The following PLG variants were observed in gnomAD, a reference collection of about 807,000 sequenced individuals.
PLG encodes plasminogen, also known as plasmin.
A neutral mutation model predicts 104.4 loss-of-function variants in PLG; 41 were observed. That is an observed-to-expected ratio of 0.39 (90% confidence interval 0.31 to 0.51). PLG has a LOEUF of 0.51. Among genes scored for constraint, PLG ranks in the 20% least tolerant of loss-of-function variants. PLG has a pLI of 0.76. For synonymous variants in PLG, 337 were observed against 357.1 expected, an observed-to-expected ratio of 0.94 and a Z score of 0.63; for missense variants, 891 against 1,003.6, an observed-to-expected ratio of 0.89 and a Z score of 1.52.
chr6:160,741,202 GC>G lies in PLG; in HGVS notation c.2019-108del, dbSNP rs1478068312. Reference sequence around the variant, plus strand: ...CGTTGCTCTGTGTCAGTGAAGCAAGGCAGTGCCAGTTCAGAGGGCTCTGGGG... The same window carrying G: ...CGTTGCTCTGTGTCAGTGAAGCAAGGAGTGCCAGTTCAGAGGGCTCTGGGG... On this transcript the variant is annotated intron_variant, in intron 16 of 18. Transcript: ENST00000308192. The surrounding 1 kb of genome is among the most constrained non-coding windows in gnomAD (Gnocchi z 4.7). 1.3e-6 allele frequency: 1 copy of G among 777,662 alleles called. No homozygotes were observed. Among genetic ancestry groups the G allele is most frequent in the Non-Finnish European group, 2.3e-6 (1 of 428,962 alleles). 48.2% of individuals were successfully genotyped at this position (777,662 alleles called of 1,614,324 possible).
At chr6:160,708,126 A>T in intron 3 of PLG, 2 of 262,078 alleles carry the variant, frequency 7.6e-6, no homozygotes, top group South Asian at 8.7e-5. Context: ...AAGTCTAAGC[A>T]TTCCTTTTGG....
rs4252188 is a variant in PLG at position 160,717,724 on chromosome 6, A to G, written c.788-570A>G. The stretch of plus-strand genomic sequence containing the variant: ...ACGTGTTGATACTTACCAGGTAGGA[A>G]GAACTGAGCAAAGAGAACATAGAAA... On this transcript the variant is annotated intron_variant, in intron 7 of 18. Coordinates refer to ENST00000308192, the MANE Select transcript of PLG (RefSeq NM_000301.5). Among the ~76,000 whole-genome samples the G allele has an allele frequency of 3.8e-3, 585 of 152,316 alleles. 3 individuals are homozygous for G. Among genetic ancestry groups the G allele is most frequent in the Admixed American group, 6.9e-3 (106 of 15,296 alleles).
Position 160,718,788 on chromosome 6 carries a change from T to C in PLG, c.1046T>C (p.Ile349Thr). ...CAAGTGCGGTGGGAGTACTGTAAGA[T>C]ACCGTCCTGTGACTCCTCCCCAGTA... ...NSQVRWEYCK[I>T]PSCDSSPVST... The change falls in exon 9 of 19, where the codon ATA (isoleucine) becomes ACA (threonine). Residue 349 changes from isoleucine (I) to threonine (T), a missense_variant. By Grantham distance (89) the Ile-to-Thr change is moderately conservative (BLOSUM62 -1). This residue lies in a region of PLG where 854 missense variants were observed against 932.1 expected (regional missense o/e 0.92). Transcript: ENST00000308192. 6.2e-7 allele frequency: 1 copy of C among 1,613,824 alleles called. No homozygotes were observed. The highest frequency in any genetic ancestry group is 8.5e-7 in the Non-Finnish European group (1 of 1,179,752).
Position 160,752,611 on chromosome 6 carries a change from A to T in PLG, c.2272-289A>T, listed in dbSNP as rs1316660574. On this transcript the variant is annotated intron_variant, in intron 18 of 18. Transcript: ENST00000308192. The surrounding 1 kb of genome is among the most constrained non-coding windows in gnomAD (Gnocchi z 4.7). ...CAGAGACCAACTGCACACACTTTACACTGATGCCCAGGCTAGCCCAGTCTA... is the reference window on the plus strand; with the variant it reads ...CAGAGACCAACTGCACACACTTTACTCTGATGCCCAGGCTAGCCCAGTCTA... Among the ~76,000 whole-genome samples, 1 of 152,122 alleles carries T rather than the reference A, an allele frequency of 6.6e-6. No homozygotes were observed. Among genetic ancestry groups the T allele is most frequent in the Non-Finnish European group, 1.5e-5 (1 of 68,022 alleles).
intron 2 of PLG, 106 bp from the exon 3 acceptor site, chr6:160,707,594 T>C (rs1777553144): frequency 8.4e-7 from 1 of 1,190,900 alleles, no homozygotes; most frequent in African/African-American, 1.5e-5. Context: ...AGCTCTCTGG[T>C]CCCTCAAGAT....
intron 5 of PLG, among the ~76,000 whole-genome samples, chr6:160,713,908 G>A (rs62439805): frequency 0.33 from 50,466 of 151,912 alleles, 9,408 homozygotes; most frequent in Middle Eastern, 0.51. Flanking sequence ...AACTGTCATC[G>A]TTTCACATTT....
In PLG at chr6:160,734,166, C is replaced by A; in HGVS notation, c.1681+78C>A. 1.3e-6 allele frequency: 1 copy of A among 797,394 alleles called. No individual in the cohort carries two copies. Among genetic ancestry groups the A allele is most frequent in the Non-Finnish European group, 2.2e-6 (1 of 454,344 alleles). 49.4% of individuals were successfully genotyped at this position (797,394 alleles called of 1,614,324 possible). A position where few individuals can be genotyped will look rare whatever the true frequency, so the allele number is the denominator to read the frequency against. On this transcript the variant is annotated intron_variant, in intron 13 of 18. Coordinates refer to ENST00000308192, the MANE Select transcript of PLG (RefSeq NM_000301.5). This position sits in a 1 kb window ranked among gnomAD's most constrained non-coding sequence, Gnocchi z 4.4. Reference sequence around the variant, plus strand: ...ACAAAAAAGGAAAAGGGCTTCTGAGCAGACTGCTTCTGGGGAGGAGATAGC... The same window carrying A: ...ACAAAAAAGGAAAAGGGCTTCTGAGAAGACTGCTTCTGGGGAGGAGATAGC...
In PLG at chr6:160,738,649, T is replaced by A; in HGVS notation, c.1877+37T>A. 7.6e-7 allele frequency: 1 copy of A among 1,307,420 alleles called. No individual in the cohort carries two copies. The highest frequency in any genetic ancestry group is 1.1e-6 in the Non-Finnish European group (1 of 899,790). The allele number at this position is 1,307,420 out of a possible 1,614,324, so 81.0% of individuals were successfully genotyped here. A position where few individuals can be genotyped will look rare whatever the true frequency, so the allele number is the denominator to read the frequency against. On this transcript the variant is annotated intron_variant, in intron 15 of 18. Transcript: ENST00000308192. The surrounding 1 kb of genome is among the most constrained non-coding windows in gnomAD (Gnocchi z 6.8). ...GGACAATTGACATGAAGTCTTGTCT[T>A]AAATACTTTTTCTGTCCTTCTTTTC...
In PLG at chr6:160,724,585, G is replaced by A. The variant is rs1323077430; in HGVS notation, c.1256+2018G>A. Among the ~76,000 whole-genome samples, 1 of 152,092 alleles carries A rather than the reference G, an allele frequency of 6.6e-6. No homozygotes were observed. Among genetic ancestry groups the A allele is most frequent in the Admixed American group, 6.5e-5 (1 of 15,276 alleles). On this transcript the variant is annotated intron_variant, in intron 10 of 18. Transcript: ENST00000308192. This position sits in a 1 kb window ranked among gnomAD's most constrained non-coding sequence, Gnocchi z 5.0. ...AGAAAAATCTTATTAGAAGCCAGAA[G>A]AAGAAAATATATGTTTACACAGAAG...
chr6:160,750,101 T>G (rs1167919780), intron 17 of PLG, among the ~76,000 whole-genome samples: 1 of 152,246 alleles, frequency 6.6e-6, no homozygotes, highest in Non-Finnish European at 1.5e-5. Flanking sequence ...GGGTGTTCTC[T>G]GCTTCTCAGA....
At position 160,714,884 on chromosome 6, in the gene PLG, G is replaced by A. The variant is rs1281703061; in HGVS notation, c.638G>A (p.Ser213Asn). ...GAATGCCAGGCCTGGGACTCTCAGA[G>A]CCCACACGCTCATGGATACATTCCT... ...GLECQAWDSQ[S>N]PHAHGYIPSK... is the part of the protein sequence containing the mutation. Residue 213 changes from serine (S) to asparagine (N), a missense_variant, in exon 6 of 19, where the codon AGC becomes AAC. This residue lies in a region of PLG where 854 missense variants were observed against 932.1 expected (regional missense o/e 0.92). Transcript: ENST00000308192. The A allele has an allele frequency of 6.2e-6, 10 of 1,613,838 alleles. No homozygotes were observed. The highest frequency in any genetic ancestry group is 1.7e-5 in the Admixed American group (1 of 60,016).
chr6:160,710,461 GT>G (rs1777620456), intron 3 of PLG, among the ~76,000 whole-genome samples: 1 of 152,020 alleles, frequency 6.6e-6, no homozygotes. Context: ...GCACCGGACT[GT>G]TTTAAACACA....
At chr6:160,713,208 T>C (rs1777675268) in intron 5 of PLG, 83 bp downstream of exon 5, 1 of 1,056,510 alleles carries the variant, frequency 9.5e-7, no homozygotes, top group East Asian at 2.4e-5. Flanking sequence ...CCCACAGGGA[T>C]GTTATTAATA....
chr6:160,734,995 C>T lies in PLG; in HGVS notation c.1681+907C>T, dbSNP rs1358622989. The stretch of plus-strand genomic sequence containing the variant: ...GGTGGTACAGGGCAGTGATGAAGAT[C>T]ATGGGAGCCACACTGCCCAGCTTCG... On this transcript the variant is annotated intron_variant, in intron 13 of 18. Transcript: ENST00000308192. This position sits in a 1 kb window ranked among gnomAD's most constrained non-coding sequence, Gnocchi z 4.4. Among the ~76,000 whole-genome samples, 1 of 147,754 alleles carries T rather than the reference C, an allele frequency of 6.8e-6. No individual in the cohort carries two copies. The highest frequency in any genetic ancestry group is 1.5e-5 in the Non-Finnish European group (1 of 67,816).
intron 17 of PLG, among the ~76,000 whole-genome samples, chr6:160,745,727 A>C (rs1051958528): frequency 3.9e-5 from 6 of 152,060 alleles, no homozygotes; most frequent in Non-Finnish European, 7.4e-5. Flanking sequence ...ATGGTTTTAT[A>C]GTGTCATTGG....
At chr6:160,727,682 A>G (rs958771192) in intron 10 of PLG, among the ~76,000 whole-genome samples, 1 of 152,048 alleles carries the variant, frequency 6.6e-6, no homozygotes, top group African/African-American at 2.4e-5. Flanking sequence ...GATAAATCAT[A>G]TGATTATGTC....
chr6:160,711,898 C>T, intron 4 of PLG: 2 of 1,372,458 alleles, frequency 1.5e-6, no homozygotes, highest in Non-Finnish European at 1.9e-6. Context: ...AATGTTGCAA[C>T]TTGCCTATTA....
At position 160,714,893 on chromosome 6, in the gene PLG, C is replaced by T. The variant is rs967061131; in HGVS notation, c.647C>T (p.Ala216Val). The T allele has an allele frequency of 3.1e-6, 5 of 1,613,678 alleles. No individual in the cohort carries two copies. The highest frequency in any genetic ancestry group is 3.3e-5 in the Admixed American group (2 of 59,992). ...GCCTGGGACTCTCAGAGCCCACACGCTCATGGATACATTCCTTCCAAGTAA... is the reference window on the plus strand; with the variant it reads ...GCCTGGGACTCTCAGAGCCCACACGTTCATGGATACATTCCTTCCAAGTAA... The part of the protein sequence containing the change: ...CQAWDSQSPH[A>V]HGYIPSKFPN... The change falls in exon 6 of 19, where the codon GCT becomes GTT. Residue 216 changes from alanine (A) to valine (V), a missense_variant. Physicochemically the swap from Ala to Val is moderately conservative, Grantham distance 64. Around this residue, in one of 2 missense-constraint regions of PLG, gnomAD observed 854 missense variants for 932.1 expected, o/e 0.92. Coordinates refer to ENST00000308192, the MANE Select transcript of PLG (RefSeq NM_000301.5).
Position 160,726,200 on chromosome 6 carries a change from A to G in PLG, c.1256+3633A>G, listed in dbSNP as rs1428977320. Among the ~76,000 whole-genome samples the G allele has an allele frequency of 6.6e-6, 1 of 152,162 alleles. No individual in the cohort carries two copies. Among genetic ancestry groups the G allele is most frequent in the Non-Finnish European group, 1.5e-5 (1 of 67,972 alleles). On this transcript the variant is annotated intron_variant, in intron 10 of 18. Transcript: ENST00000308192. The surrounding 1 kb of genome is among the most constrained non-coding windows in gnomAD (Gnocchi z 4.4). ...ACATATACCATATGTGTGGGCCTAC[A>G]GCAAGTCTTAATAGATTGAAAAGAA...
Sources: allele counts gnomAD v4.1 joint callset (sites outside exome capture counted in the v4.1 genomes callset), GRCh38; gene constraint gnomAD v4.1.1; regional missense constraint gnomAD v4.1.1; non-coding constraint Gnocchi (gnomAD v3.1); transcripts MANE v1.5; gene names NCBI Gene and HGNC (gene_info 2026-07-23, HGNC 2026-07-21).